Variants in KLHL1 observed in about 807,000 individuals in gnomAD.
KLHL1 encodes the protein kelch like family member 1, also known as kelch-like protein 1.
A neutral mutation model predicts 77.7 loss-of-function variants in KLHL1; 47 were observed. The ratio of observed to expected loss-of-function variants is 0.60; its 90% CI spans 0.48 to 0.77. The LOEUF is 0.77. Ranked by LOEUF, KLHL1 falls within the 30% of genes least tolerant of loss-of-function variation. The pLI is 0.00. For synonymous variants in KLHL1, 360 were observed against 325.2 expected (o/e 1.11, Z -1.15); for missense variants, 925 against 910.8 (o/e 1.02, Z -0.20).
rs140606325 is a variant in KLHL1, at chr13:70,107,090, T to G, written c.497+113A>C. 3.4e-4 allele frequency: 507 copies of G among 1,478,578 alleles called. 1 individual carries two copies. The African/African-American group carries it at 6.4e-3, about 19-fold the overall frequency. The allele number at this position is 1,478,578 out of a possible 1,614,324, so 91.6% of individuals were successfully genotyped here. A position where few individuals can be genotyped will look rare whatever the true frequency, so the allele number is the denominator to read the frequency against. ...GTAATCAAAACCAGGGTGGCATCTCTTAACCCACATTTTCAACCTGAAACA... is the reference window on the plus strand; with the variant it reads ...GTAATCAAAACCAGGGTGGCATCTCGTAACCCACATTTTCAACCTGAAACA... On this transcript the variant is annotated intron_variant, in intron 1 of 10. Transcript: ENST00000377844.
intron 4 of KLHL1, among the ~76,000 whole-genome samples, chr13:69,936,315 G>A (rs760115107): frequency 1.3e-5 from 2 of 152,130 alleles, no homozygotes; most frequent in African/African-American, 4.8e-5. Flanking sequence ...GAGGCCTGGT[G>A]TGATGGCTCA....
intron 3 of KLHL1, among the ~76,000 whole-genome samples, chr13:69,958,397 T>C (rs975231045): frequency 6.6e-6 from 1 of 151,782 alleles, no homozygotes; most frequent in Non-Finnish European, 1.5e-5. Context: ...TCCCATATCT[T>C]AATATGTACA....
chr13:70,086,593 AGAAAGAAAGAAAGAAAGAAAG>A lies in KLHL1; in HGVS notation c.497+20589_497+20609del, dbSNP rs1181215719. Among the ~76,000 whole-genome samples, 443 of 52,492 alleles carry A rather than the reference AGAAAGAAAGAAAGAAAGAAAG, an allele frequency of 8.4e-3. 40 individuals are homozygous for A. Among genetic ancestry groups the A allele is most frequent in the Middle Eastern group, 0.019 (1 of 54 alleles). 34.4% of individuals were successfully genotyped at this position (52,492 alleles called of 152,430 possible). On this transcript the variant is annotated intron_variant, in intron 1 of 10. Coordinates refer to ENST00000377844, the MANE Select transcript of KLHL1 (RefSeq NM_020866.3). Reference sequence around the variant, plus strand: ...GTCTCAAAAAAAAAAAAAAAAAAAAAGAAAGAAAGAAAGAAAGAAAGAAAGAAAGAAAGAAAGAAAAAAGAA... The same window carrying A: ...GTCTCAAAAAAAAAAAAAAAAAAAAAAAAGAAAGAAAGAAAGAAAAAAGAA...
intron 6 of KLHL1, among the ~76,000 whole-genome samples, chr13:69,813,823 C>T (rs939071535): frequency 1.1e-4 from 17 of 152,124 alleles, no homozygotes; most frequent in African/African-American, 3.1e-4. Context: ...CCATACTGCT[C>T]AAAGCAATCT....
intron 5 of KLHL1, among the ~76,000 whole-genome samples, chr13:69,876,659 C>T (rs145813925): frequency 1.7e-4 from 26 of 152,312 alleles, no homozygotes; most frequent in African/African-American, 3.8e-4. Flanking sequence ...CAAACACACA[C>T]ACACATTGCT....
chr13:70,096,714 TC>T (rs1437128610), intron 1 of KLHL1, among the ~76,000 whole-genome samples: 1 of 151,976 alleles, frequency 6.6e-6, no homozygotes, highest in Non-Finnish European at 1.5e-5. Context: ...TCTCTTTTTT[TC>T]TTTTTGCTGC....
At chr13:69,851,622 G>T in intron 5 of KLHL1, among the ~76,000 whole-genome samples, 1 of 151,734 alleles carries the variant, frequency 6.6e-6, no homozygotes, top group East Asian at 1.9e-4. Flanking sequence ...TAGAATAAAA[G>T]ATATTAATAG....
At chr13:70,030,444 C>G (rs1380957100) in intron 1 of KLHL1, among the ~76,000 whole-genome samples, 1 of 152,150 alleles carries the variant, frequency 6.6e-6, no homozygotes, top group Non-Finnish European at 1.5e-5. Flanking sequence ...GAAACTCACT[C>G]AAAACCACTC....
chr13:69,869,826 G>A (rs900200093), intron 5 of KLHL1, among the ~76,000 whole-genome samples: 5 of 152,132 alleles, frequency 3.3e-5, no homozygotes, highest in African/African-American at 1.2e-4. Context: ...TACAGAAGTT[G>A]TAAACTAATT....
intron 1 of KLHL1, among the ~76,000 whole-genome samples, chr13:69,989,522 T>C (rs1380252001): frequency 6.6e-6 from 1 of 152,034 alleles, no homozygotes; most frequent in Non-Finnish European, 1.5e-5. Flanking sequence ...TTGATGGGAA[T>C]AGCATTGAAT....
At chr13:69,787,900 G>T (rs1422383284) in intron 7 of KLHL1, among the ~76,000 whole-genome samples, 3 of 152,152 alleles carry the variant, frequency 2.0e-5, no homozygotes, top group African/African-American at 7.2e-5. Flanking sequence ...AAAAACACAT[G>T]AAAAAATGCT....
chr13:69,784,158 T>C (rs1368925129), intron 7 of KLHL1, among the ~76,000 whole-genome samples: 1 of 152,112 alleles, frequency 6.6e-6, no homozygotes, highest in Non-Finnish European at 1.5e-5. Context: ...ACCACCAGGC[T>C]TGCCCTACAA....
rs1368227021 is a variant in KLHL1, at chr13:69,880,471, C to T, written c.1227+1812G>A. On this transcript the variant is annotated intron_variant, in intron 5 of 10. Coordinates refer to ENST00000377844, the MANE Select transcript of KLHL1 (RefSeq NM_020866.3). ...AGACATATGCTACATTTATGTCTAT[C>T]GCACACTGTTTAAAATTTTGTTAAT... 3.3e-5 allele frequency among the ~76,000 whole-genome samples: 5 copies of T among 151,992 alleles called. No homozygotes were observed. The East Asian group carries it at 7.7e-4, about 23-fold the overall frequency.
intron 3 of KLHL1, among the ~76,000 whole-genome samples, chr13:69,944,747 T>C (rs1159082460): frequency 6.6e-6 from 1 of 152,120 alleles, no homozygotes; most frequent in Non-Finnish European, 1.5e-5. Context: ...CACGGACCTA[T>C]ATAATCCAAA....
In KLHL1 at chr13:69,914,486, G is replaced by A. The variant is rs552297577; in HGVS notation, c.1014+25554C>T. On this transcript the variant is annotated intron_variant, in intron 4 of 10. Transcript: ENST00000377844. ...ATAATCCAGGGGATTTTCTGCTAAG[G>A]CAACAAAATACAACAAGCTTAGAGA... is the stretch of plus-strand genomic sequence containing the variant. Among the ~76,000 whole-genome samples, 12 of 152,164 alleles carry A rather than the reference G, an allele frequency of 7.9e-5. No individual in the cohort carries two copies. In the South Asian group the frequency reaches 2.5e-3, roughly 32 times the overall value.
At chr13:69,766,538 A>T (rs1875312665) in intron 7 of KLHL1, among the ~76,000 whole-genome samples, 1 of 151,818 alleles carries the variant, frequency 6.6e-6, no homozygotes, top group African/African-American at 2.4e-5. Flanking sequence ...TGAGCAAAAA[A>T]TAATAATGAT....
chr13:69,814,349 G>A lies in KLHL1; in HGVS notation c.1415-17387C>T, dbSNP rs994915359. On this transcript the variant is annotated intron_variant, in intron 6 of 10. Transcript: ENST00000377844. ...CATTTGCCAATAATTGGCAAATAAT[G>A]TATTACTATGTCCTGAAAAGCAAAT... Among the ~76,000 whole-genome samples the A allele has an allele frequency of 2.6e-5, 4 of 151,892 alleles. No homozygotes were observed. The South Asian group carries it at 8.3e-4, about 31-fold the overall frequency.
At chr13:70,041,709 G>T (rs180920622) in intron 1 of KLHL1, among the ~76,000 whole-genome samples, 39 of 152,186 alleles carry the variant, frequency 2.6e-4, no homozygotes, top group Non-Finnish European at 4.1e-4. Flanking sequence ...CCAGTGGAGT[G>T]GGGTAGAAAC....
At chr13:70,074,960 A>T (rs902539416) in intron 1 of KLHL1, among the ~76,000 whole-genome samples, 20 of 152,108 alleles carry the variant, frequency 1.3e-4, no homozygotes, top group Non-Finnish European at 1.6e-4. Flanking sequence ...ATGAAAATTT[A>T]AAATACCATT....
Sources: allele counts gnomAD v4.1 joint callset (sites outside exome capture counted in the v4.1 genomes callset), GRCh38; gene constraint gnomAD v4.1.1; transcripts MANE v1.5; gene names NCBI Gene and HGNC (gene_info 2026-07-23, HGNC 2026-07-21).